COL6A1: variants seen among roughly 807,000 people sequenced by gnomAD.
COL6A1 encodes the protein collagen alpha-1(VI) chain.
Under a neutral mutation model 145.6 loss-of-function variants are expected in COL6A1, and 80 were observed. The ratio of observed to expected loss-of-function variants is 0.55; its 90% confidence interval spans 0.46 to 0.66. The LOEUF is 0.66. Ranked by LOEUF, COL6A1 falls within the 30% of genes least tolerant of loss-of-function variation. The probability of loss-of-function intolerance (pLI) is 0.00; values close to 1 mark genes in which losing one functional copy is unlikely to be tolerated. For synonymous variants in COL6A1, 638 were observed against 622.8 expected (o/e 1.02, Z -0.36); for missense variants, 1,364 against 1,473.8 (o/e 0.93, Z 1.22).
At position 45,987,633 on chromosome 21, in the gene COL6A1, C is replaced by A. The variant is rs1015547901; in HGVS notation, c.783C>A (p.Leu261=). 1.9e-6 allele frequency: 3 copies of A among 1,610,906 alleles called. No homozygotes were observed. In the African/African-American group the frequency reaches 4.0e-5, roughly 22 times the overall value. ...ECQPARGPPG[L]RGDPGFEGER... ...AGCCTGCAAGAGGACCTCCGGGGCT[C>A]CGGGGCGACCCCGGCTTTGAGGTGA... The change falls in exon 8 of 35, where the codon CTC becomes CTA. Residue 261 remains leucine, a synonymous_variant. Coordinates refer to ENST00000361866, the MANE Select transcript of COL6A1 (RefSeq NM_001848.3).
chr21:45,987,789 C>T (rs2077748771), intron 8 of COL6A1, 135 bp downstream of exon 8: 6 of 331,670 alleles, frequency 1.8e-5, no homozygotes, highest in South Asian at 1.2e-4. Flanking sequence ...GAGGGGACGG[C>T]GGGGGTCCAG....
chr21:45,999,442 T>C (rs1016300046), intron 26 of COL6A1: 1 of 737,654 alleles, frequency 1.4e-6, no homozygotes, highest in African/African-American at 1.7e-5. Context: ...GTCCTCAGGG[T>C]GGGGCCCACC....
At position 45,989,149 on chromosome 21, in the gene COL6A1, AC is replaced by A; in HGVS notation, c.858+13del. Reference sequence around the variant, plus strand: ...AAGCCGGAGATCCTGTGAGTGCCTGACTGTGGGGTGGGGGCCCTAAGAAGCT... The same window carrying A: ...AAGCCGGAGATCCTGTGAGTGCCTGATGTGGGGTGGGGGCCCTAAGAAGCT... On this transcript the variant is annotated intron_variant, in intron 9 of 34. Transcript: ENST00000361866. 8 of 1,594,130 alleles carry A rather than the reference AC, an allele frequency of 5.0e-6. No individual in the cohort carries two copies. The highest frequency in any genetic ancestry group is 6.8e-6 in the Non-Finnish European group (8 of 1,172,918).
chr21:46,002,640 G>T lies in COL6A1; in HGVS notation c.2364G>T (p.Leu788=). The change falls in exon 33 of 35, where the codon CTG becomes CTT. Residue 788 remains leucine (L), a synonymous_variant. Coordinates refer to ENST00000361866, the MANE Select transcript of COL6A1 (RefSeq NM_001848.3). ...CCCAGGGCCGGCCCGGCCTCTCGCT[G>T]GTCAAGGAGAACTATGCAGAGCTGC... The part of the protein sequence containing the change: ...APSQGRPGLS[L]VKENYAELLE... 1 of 1,614,040 alleles carries T rather than the reference G, an allele frequency of 6.2e-7. No individual in the cohort carries two copies. Among genetic ancestry groups the T allele is most frequent in the Middle Eastern group, 1.6e-4 (1 of 6,062 alleles).
Position 45,986,933 on chromosome 21 carries a change from A to G in COL6A1, c.589-11A>G, listed in dbSNP as rs2077742433. 1 of 1,545,110 alleles carries G rather than the reference A, an allele frequency of 6.5e-7. No individual in the cohort carries two copies. The highest frequency in any genetic ancestry group is 8.7e-7 in the Non-Finnish European group (1 of 1,149,640). ...CAGCCCTGCTCAGCCCACCCTGAAC[A>G]CTGCCCCCAGGAGCCGCGTCTGAGC... is the stretch of plus-strand genomic sequence containing the variant. On this transcript the variant is annotated splice_polypyrimidine_tract_variant and intron_variant, in intron 4 of 34. Coordinates refer to ENST00000361866, the MANE Select transcript of COL6A1 (RefSeq NM_001848.3).
At chr21:46,000,511 G>A (rs1412395819) in intron 28 of COL6A1, 144 bp downstream of exon 28, 8 of 1,175,196 alleles carry the variant, frequency 6.8e-6, no homozygotes, top group South Asian at 2.5e-5. Context: ...AGCCCCTACC[G>A]GCCTCCAAAG....
chr21:45,992,109 G>T, intron 16 of COL6A1, 37 bp downstream of exon 16: 1 of 1,613,538 alleles, frequency 6.2e-7, no homozygotes, highest in South Asian at 1.1e-5. Flanking sequence ...TGCCAGGTAT[G>T]GGCCCAGGGA....
intron 3 of COL6A1, 140 bp from the exon 4 acceptor site, chr21:45,986,386 C>T: frequency 1.3e-6 from 1 of 767,766 alleles, no homozygotes; most frequent in Non-Finnish European, 2.1e-6. Context: ...TTTTCAGTAA[C>T]CCCCACCGTA....
chr21:45,990,664 G>A, intron 13 of COL6A1, 109 bp from the exon 14 acceptor site: 1 of 1,020,908 alleles, frequency 9.8e-7, no homozygotes, highest in Non-Finnish European at 1.5e-6. Context: ...GCTAGGCAGG[G>A]CTTTCCAGGG....
Position 45,989,593 on chromosome 21 carries a change from C to A in COL6A1, c.859-15C>A, listed in dbSNP as rs759271765. ...CTCCTCCGGGGGTGTCTCACCATCT[C>A]CTCCTGTGTTCCAGGGAAGACCCGG... On this transcript the variant is annotated splice_polypyrimidine_tract_variant and intron_variant, in intron 9 of 34. Coordinates refer to ENST00000361866, the MANE Select transcript of COL6A1 (RefSeq NM_001848.3). The A allele has an allele frequency of 1.2e-6, 2 of 1,612,510 alleles. No homozygotes were observed. Among genetic ancestry groups the A allele is most frequent in the African/African-American group, 2.7e-5 (2 of 74,916 alleles).
intron 14 of COL6A1, 43 bp downstream of exon 14, chr21:45,990,869 C>G (rs2077772786): frequency 6.2e-7 from 1 of 1,611,032 alleles, no homozygotes; most frequent in Non-Finnish European, 8.5e-7. Flanking sequence ...CTAGCGCTGT[C>G]AGCAGCACCT....
chr21:45,997,081 T>C (rs536894938), intron 20 of COL6A1, among the ~76,000 whole-genome samples: 1,496 of 148,846 alleles, frequency 0.01, 37 homozygotes, highest in African/African-American at 0.036. Flanking sequence ...AGCCGGGCAC[T>C]CACCGAAGTC....
In COL6A1 at chr21:45,986,525, G is replaced by C; in HGVS notation, c.429-1G>C. The C allele has an allele frequency of 6.4e-7, 1 of 1,557,430 alleles. No homozygotes were observed. Among genetic ancestry groups the C allele is most frequent in the Non-Finnish European group, 8.7e-7 (1 of 1,150,624 alleles). ...GTCTCACGCTGCCCTCTCCTGTCCA[G>C]GGGCTCCCACCTGAAGGAGAATAAG... On this transcript the variant is annotated splice_acceptor_variant, in intron 3 of 34. Coordinates refer to ENST00000361866, the MANE Select transcript of COL6A1 (RefSeq NM_001848.3). LOFTEE classifies it high-confidence loss of function.
intron 19 of COL6A1, among the ~76,000 whole-genome samples, chr21:45,993,246 C>T (rs952644927): frequency 6.6e-6 from 1 of 152,178 alleles, no homozygotes; most frequent in Non-Finnish European, 1.5e-5. Context: ...CAGAGGCCAC[C>T]CCCCACCTTC....
chr21:45,997,371 C>T lies in COL6A1; in HGVS notation c.1399-50C>T, dbSNP rs533837656. The T allele has an allele frequency of 4.5e-6, 7 of 1,568,694 alleles. No individual in the cohort carries two copies. In the South Asian group the frequency reaches 7.8e-5, roughly 17 times the overall value. On this transcript the variant is annotated intron_variant, in intron 20 of 34. Transcript: ENST00000361866. ...CCTCAGCTTAGGGTCAGGGAGGGCT[C>T]AGGCTGGGTGAGGCCTGTGGTCCAA...
intron 13 of COL6A1, 33 bp downstream of exon 13, chr21:45,990,455 G>C (rs1569518226): frequency 2.8e-6 from 3 of 1,062,594 alleles, no homozygotes; most frequent in East Asian, 3.0e-5. Context: ...GACGGGGAGG[G>C]ACGAGGAGGA....
At position 45,999,341 on chromosome 21, in the gene COL6A1, C is replaced by A. The variant is rs1209664484; in HGVS notation, c.1740+123C>A. On this transcript the variant is annotated intron_variant, in intron 26 of 34. Transcript: ENST00000361866. ...CGGCGGGAGGGAATTTTGGGGAGCA[C>A]GTCATCTGGGAGGCCCTGGGGGTGG... is the stretch of plus-strand genomic sequence containing the variant. 9.7e-6 allele frequency: 10 copies of A among 1,035,514 alleles called. No individual in the cohort carries two copies. In the East Asian group the frequency reaches 2.6e-4, roughly 27 times the overall value. The allele number at this position is 1,035,514 out of a possible 1,614,324, so 64.1% of individuals were successfully genotyped here.
intron 9 of COL6A1, 28 bp from the exon 10 acceptor site, chr21:45,989,580 T>C (rs772751840): frequency 2.5e-6 from 4 of 1,610,304 alleles, no homozygotes; most frequent in African/African-American, 2.7e-5. Flanking sequence ...CCTCCGGGGG[T>C]GTCTCACCAT....
intron 3 of COL6A1, 124 bp from the exon 4 acceptor site, chr21:45,986,402 A>G: frequency 1.1e-6 from 1 of 902,694 alleles, no homozygotes; most frequent in Non-Finnish European, 1.8e-6. Context: ...CCGTATAGCC[A>G]GGATCAGCAA....
Sources: allele counts gnomAD v4.1 joint callset (sites outside exome capture counted in the v4.1 genomes callset), GRCh38; gene constraint gnomAD v4.1.1; transcripts MANE v1.5; gene names NCBI Gene and HGNC (gene_info 2026-07-23, HGNC 2026-07-21).